FRMPD4: variants seen among roughly 807,000 people sequenced by gnomAD.
The protein encoded by FRMPD4 is FERM and PDZ domain containing 4.
FRMPD4 carries 22 observed loss-of-function variants against 94.1 expected under a neutral mutation model. The observed-to-expected ratio is 0.23, with a 90% CI of 0.17 to 0.33. The LOEUF (loss-of-function observed/expected upper bound fraction) is 0.33. Among genes scored for constraint, FRMPD4 ranks in the 10% least tolerant of loss-of-function variants. The probability of loss-of-function intolerance (pLI) is 1.00; values close to 1 mark genes in which losing one functional copy is unlikely to be tolerated. For missense variants in FRMPD4, 1,111 were observed against 1,339.9 expected, an observed-to-expected ratio of 0.83 and a Z score of 2.67; for synonymous variants, 631 against 548.6, an observed-to-expected ratio of 1.15 and a Z score of -2.10.
intron 3 of FRMPD4, among the ~76,000 whole-genome samples, chrX:11,991,158 C>T (rs2054461537): frequency 9.0e-6 from 1 of 111,507 alleles, no homozygotes; most frequent in Non-Finnish European, 1.9e-5. Context: ...AAAGTGAAAC[C>T]TCATGACTTC....
At chrX:11,968,055 T>C (rs759289279) in intron 3 of FRMPD4, among the ~76,000 whole-genome samples, 141 of 110,692 alleles carry the variant, frequency 1.3e-3, no homozygotes, top group Middle Eastern at 4.6e-3. Context: ...AGTAACAGCA[T>C]CTGTGATTTG....
At chrX:12,571,440 C>T (rs190771145) in intron 2 of FRMPD4, among the ~76,000 whole-genome samples, 1,332 of 112,784 alleles carry the variant, frequency 0.012, 12 homozygotes, top group Non-Finnish European at 0.018. Context: ...TCCCCTCCCT[C>T]TTCCTGCCTG....
At chrX:11,865,836 A>G (rs1291939305) in intron 2 of FRMPD4, among the ~76,000 whole-genome samples, 1 of 112,118 alleles carries the variant, frequency 8.9e-6, no homozygotes, top group African/African-American at 3.2e-5. Flanking sequence ...ACTGACTCAT[A>G]CAAGTCTTTG....
At chrX:12,702,534 C>A (rs1191990210) in intron 10 of FRMPD4, among the ~76,000 whole-genome samples, 2 of 112,088 alleles carry the variant, frequency 1.8e-5, no homozygotes, top group Non-Finnish European at 1.9e-5. Context: ...GACCTCCCCC[C>A]ACACCCTGCT....
At chrX:12,350,189 G>A (rs2055779728) in intron 1 of FRMPD4, among the ~76,000 whole-genome samples, 1 of 111,787 alleles carries the variant, frequency 8.9e-6, no homozygotes, top group African/African-American at 3.2e-5. Context: ...TCATATAGCT[G>A]TATAATTTAA....
At chrX:12,293,175 T>C (rs1361146116) in intron 1 of FRMPD4, among the ~76,000 whole-genome samples, 2 of 111,796 alleles carry the variant, frequency 1.8e-5, no homozygotes, top group Non-Finnish European at 3.8e-5. Context: ...AATATAGGAA[T>C]GTGGAAAGCG....
At chrX:12,081,244 G>A (rs1433649343) in intron 3 of FRMPD4, among the ~76,000 whole-genome samples, 2 of 111,588 alleles carry the variant, frequency 1.8e-5, no homozygotes, top group Non-Finnish European at 3.8e-5. Context: ...ATTGGGTTGA[G>A]GTTAATGCTG....
chrX:11,999,703 C>T (rs1334626246), intron 3 of FRMPD4, among the ~76,000 whole-genome samples: 2 of 112,046 alleles, frequency 1.8e-5, no homozygotes, highest in Admixed American at 1.9e-4. Context: ...TCTGCATCTC[C>T]TGCTGCTGAT....
intron 3 of FRMPD4, among the ~76,000 whole-genome samples, chrX:11,949,495 G>C (rs915537411): frequency 1.8e-5 from 2 of 112,339 alleles, no homozygotes; most frequent in Non-Finnish European, 3.8e-5. Flanking sequence ...TCAGAAGGTG[G>C]CAAGTTTCCA....
chrX:12,433,869 C>T (rs898986632), intron 1 of FRMPD4, among the ~76,000 whole-genome samples: 2 of 111,579 alleles, frequency 1.8e-5, no homozygotes, highest in Admixed American at 1.9e-4. Flanking sequence ...GTAAGCAGGG[C>T]GAAATCTCAG....
chrX:12,566,689 A>G (rs747599319), intron 2 of FRMPD4, among the ~76,000 whole-genome samples: 2 of 112,126 alleles, frequency 1.8e-5, no homozygotes, highest in South Asian at 7.4e-4. Context: ...TATCGAAACT[A>G]TTTATTTTGC....
rs2053441774 is a variant in FRMPD4, at chrX:11,826,010, T to C, written c.-161+3295T>C. ...TATTTATAAAAGACAAAATAATATCTGATCAATATATGTTTAAGCTAATGC... is the reference window on the plus strand; with the variant it reads ...TATTTATAAAAGACAAAATAATATCCGATCAATATATGTTTAAGCTAATGC... On this transcript the variant is annotated intron_variant, in intron 1 of 18. Transcript: ENST00000640291. Among the ~76,000 whole-genome samples, 3 of 112,572 alleles carry C rather than the reference T, an allele frequency of 2.7e-5. No individual in the cohort carries two copies. The Admixed American group carries it at 2.8e-4, about 11-fold the overall frequency.
intron 1 of FRMPD4, among the ~76,000 whole-genome samples, chrX:12,401,198 T>C (rs956988340): frequency 3.8e-4 from 42 of 111,331 alleles, no homozygotes; most frequent in African/African-American, 1.3e-3. Context: ...GAATAATTCA[T>C]CAGTTATGTT....
intron 1 of FRMPD4, among the ~76,000 whole-genome samples, chrX:12,244,066 G>C (rs2053920323): frequency 9.1e-6 from 1 of 110,432 alleles, no homozygotes; most frequent in Non-Finnish European, 1.9e-5. Context: ...AGAGTGATGG[G>C]ATTACAAGTG....
At chrX:12,364,341 T>A (rs1006677647) in intron 1 of FRMPD4, among the ~76,000 whole-genome samples, 46 of 111,317 alleles carry the variant, frequency 4.1e-4, no homozygotes, top group African/African-American at 1.4e-3. Context: ...AGGGTGCAAC[T>A]GTGTACAAGA....
chrX:12,710,671 G>T, intron 14 of FRMPD4, 134 bp downstream of exon 14: 1 of 505,325 alleles, frequency 2.0e-6, no homozygotes, highest in South Asian at 3.6e-5. Flanking sequence ...ACTTTGGGAG[G>T]CCAAGGCAGG....
At chrX:12,282,172 C>T (rs1373452579) in intron 1 of FRMPD4, among the ~76,000 whole-genome samples, 1 of 111,591 alleles carries the variant, frequency 9.0e-6, no homozygotes, top group Non-Finnish European at 1.9e-5. Context: ...ATTTTTCTCC[C>T]ATTGTGAAGC....
Position 12,362,199 on chromosome X carries a change from T to G in FRMPD4, c.42-136481T>G, listed in dbSNP as rs187708344. ...GATTCTTTTTTTTTTTTAGTTTTTA[T>G]TTTTTTATTTTATTCTTTTTATTAT... On this transcript the variant is annotated intron_variant, in intron 1 of 16. Transcript: ENST00000675598. Among the ~76,000 whole-genome samples the G allele has an allele frequency of 9.6e-3, 1,064 of 110,503 alleles. 7 individuals carry two copies. Among genetic ancestry groups the G allele is most frequent in the South Asian group, 0.015 (39 of 2,586 alleles).
chrX:11,864,257 CAA>C (rs1000949956), intron 1 of FRMPD4, among the ~76,000 whole-genome samples: 4 of 109,085 alleles, frequency 3.7e-5, no homozygotes, highest in Non-Finnish European at 7.6e-5. Context: ...GGAAAGTTAA[CAA>C]GAGTGAAGGG....
Sources: allele counts gnomAD v4.1 joint callset (sites outside exome capture counted in the v4.1 genomes callset), GRCh38; gene constraint gnomAD v4.1.1; transcripts MANE v1.5; gene names NCBI Gene and HGNC (gene_info 2026-07-23, HGNC 2026-07-21).